PKIB: variants seen among roughly 807,000 people sequenced by gnomAD.
PKIB encodes the protein cAMP-dependent protein kinase inhibitor beta.
PKIB carries 2 observed loss-of-function variants against 4.5 expected under a neutral mutation model. That is an observed-to-expected ratio of 0.44 (90% confidence interval 0.18 to 1.39). The LOEUF (loss-of-function observed/expected upper bound fraction) is 1.39, where lower values mean the gene tolerates loss of function less well. Among genes scored for constraint, PKIB ranks in the 40% most tolerant of loss-of-function variants. PKIB has a pLI of 0.27. For missense variants in PKIB, 94 were observed against 92.6 expected, an observed-to-expected ratio of 1.02 and a Z score of -0.06; for synonymous variants, 38 against 36.0, an observed-to-expected ratio of 1.06 and a Z score of -0.20.
chr6:122,585,152 G>A (rs908994486), intron 2 of PKIB, among the ~76,000 whole-genome samples: 18 of 152,092 alleles, frequency 1.2e-4, no homozygotes, highest in African/African-American at 3.4e-4. Context: ...CAGCACCTCC[G>A]CTGCTGCTGT....
intron 2 of PKIB, among the ~76,000 whole-genome samples, chr6:122,519,981 C>T (rs1776885980): frequency 6.6e-6 from 1 of 152,144 alleles, no homozygotes; most frequent in African/African-American, 2.4e-5. Flanking sequence ...TAGTTTCCCA[C>T]CTTCCAAGAT....
intron 2 of PKIB, among the ~76,000 whole-genome samples, chr6:122,576,689 A>AATATATATATATAT (rs1334771841): frequency 6.7e-4 from 23 of 34,308 alleles, no homozygotes; most frequent in Non-Finnish European, 8.4e-4. Context: ...AAAAAAAAAA[A>AATATATATATATAT]ATATATATAT....
At chr6:122,637,539 G>T (rs191496267) in intron 2 of PKIB, among the ~76,000 whole-genome samples, 1 of 152,078 alleles carries the variant, frequency 6.6e-6, no homozygotes, top group East Asian at 1.9e-4. Flanking sequence ...GGTGGATCAC[G>T]AGGTCAGGAG....
chr6:122,716,264 A>T (rs1779491622), intron 3 of PKIB, among the ~76,000 whole-genome samples: 1 of 152,180 alleles, frequency 6.6e-6, no homozygotes. Context: ...CCATAGGCTA[A>T]TTGCTATGCC....
At chr6:122,497,500 C>G (rs750348314) in intron 2 of PKIB, among the ~76,000 whole-genome samples, 9 of 152,058 alleles carry the variant, frequency 5.9e-5, no homozygotes, top group Non-Finnish European at 1.2e-4. Context: ...GTAACGACAC[C>G]CATAGTCTCA....
At chr6:122,529,740 A>G (rs1419145016) in intron 2 of PKIB, among the ~76,000 whole-genome samples, 1 of 152,072 alleles carries the variant, frequency 6.6e-6, no homozygotes, top group Non-Finnish European at 1.5e-5. Flanking sequence ...TCCTTTCTAC[A>G]CTTTGAATGA....
intron 2 of PKIB, among the ~76,000 whole-genome samples, chr6:122,522,294 C>A (rs1316998028): frequency 6.6e-6 from 1 of 152,124 alleles, no homozygotes; most frequent in Non-Finnish European, 1.5e-5. Flanking sequence ...GAATTTCAAG[C>A]CAGTGGATCT....
chr6:122,692,868 A>G (rs1213875202), intron 3 of PKIB, among the ~76,000 whole-genome samples: 2 of 152,244 alleles, frequency 1.3e-5, no homozygotes, highest in African/African-American at 2.4e-5. Context: ...TTCAGACTAC[A>G]TAAAGCCTTC....
At chr6:122,702,052 C>T in intron 3 of PKIB, among the ~76,000 whole-genome samples, 1 of 134,518 alleles carries the variant, frequency 7.4e-6, no homozygotes, top group East Asian at 2.3e-4. Flanking sequence ...AAACCCTAAC[C>T]TCCAAGGAAG....
At chr6:122,543,810 C>T (rs1416103311) in intron 2 of PKIB, among the ~76,000 whole-genome samples, 3 of 151,986 alleles carry the variant, frequency 2.0e-5, no homozygotes, top group Non-Finnish European at 4.4e-5. Context: ...ACTTTCAACT[C>T]ATTATGTGGG....
At chr6:122,571,908 A>G (rs1773376508) in intron 2 of PKIB, among the ~76,000 whole-genome samples, 1 of 152,194 alleles carries the variant, frequency 6.6e-6, no homozygotes, top group African/African-American at 2.4e-5. Flanking sequence ...TTGAATGTAA[A>G]TAGCCTAAAT....
At chr6:122,536,226 A>T (rs985560583) in intron 2 of PKIB, among the ~76,000 whole-genome samples, 31 of 152,160 alleles carry the variant, frequency 2.0e-4, no homozygotes, top group African/African-American at 7.0e-4. Flanking sequence ...AGGCGTGAGC[A>T]CTGTGCCCAG....
At chr6:122,657,614 T>C (rs1406758282) in intron 2 of PKIB, among the ~76,000 whole-genome samples, 1 of 152,236 alleles carries the variant, frequency 6.6e-6, no homozygotes, top group Non-Finnish European at 1.5e-5. Context: ...TTTGGGCATA[T>C]CTGCAATGCT....
intron 1 of PKIB, among the ~76,000 whole-genome samples, chr6:122,611,293 G>A (rs1477789919): frequency 1.3e-5 from 2 of 152,218 alleles, no homozygotes; most frequent in Admixed American, 6.5e-5. Flanking sequence ...CAAGGGAGCT[G>A]AGAGGGCCAG....
chr6:122,593,297 G>T (rs529893129), intron 3 of PKIB, among the ~76,000 whole-genome samples: 3 of 152,152 alleles, frequency 2.0e-5, no homozygotes, highest in Non-Finnish European at 4.4e-5. Flanking sequence ...AAAAAAGTTG[G>T]CTGCAGCAAG....
chr6:122,711,790 A>T (rs974440630), intron 3 of PKIB, among the ~76,000 whole-genome samples: 5 of 152,158 alleles, frequency 3.3e-5, no homozygotes, highest in African/African-American at 1.2e-4. Context: ...GAAAATTATG[A>T]AAAAATTAAT....
At chr6:122,691,681 G>T (rs1276103840) in intron 3 of PKIB, among the ~76,000 whole-genome samples, 2 of 151,890 alleles carry the variant, frequency 1.3e-5, no homozygotes, top group African/African-American at 4.8e-5. Context: ...TTTTTCCCCA[G>T]GATTGGTCCC....
chr6:122,629,140 C>G (rs551602048), intron 1 of PKIB, among the ~76,000 whole-genome samples: 2 of 152,326 alleles, frequency 1.3e-5, no homozygotes, highest in South Asian at 4.1e-4. Flanking sequence ...TCCATTACAA[C>G]TGCTTCATAA....
chr6:122,555,771 A>G (rs1445647660), intron 2 of PKIB, among the ~76,000 whole-genome samples: 1 of 152,190 alleles, frequency 6.6e-6, no homozygotes, highest in Non-Finnish European at 1.5e-5. Flanking sequence ...TGGTTTGAAG[A>G]TCCTGTTCAC....
Sources: gnomAD v4.1 joint callset for allele counts (sites outside exome capture counted in the v4.1 genomes callset) on GRCh38, gnomAD v4.1.1 for gene constraint, MANE v1.5 for transcripts, NCBI Gene and HGNC (gene_info 2026-07-23, HGNC 2026-07-21) for gene names.